Variants in CCDC141 observed in about 807,000 individuals in gnomAD.
CCDC141 encodes the protein coiled-coil domain containing 141, also known as coiled-coil domain-containing protein 141.
CCDC141 carries 168 observed loss-of-function variants against 181.0 expected under a neutral mutation model. That is an observed-to-expected ratio of 0.93 (90% CI 0.82 to 1.05). The LOEUF is 1.05. Among genes scored for constraint, CCDC141 ranks in the 50% least tolerant of loss-of-function variants. CCDC141 has a pLI of 0.00. For missense variants in CCDC141, 1,902 were observed against 1,788.5 expected, an observed-to-expected ratio of 1.06 and a Z score of -1.14; for synonymous variants, 666 against 642.3, an observed-to-expected ratio of 1.04 and a Z score of -0.56.
chr2:178,843,901 G>C (rs1684828739), intron 22 of CCDC141, among the ~76,000 whole-genome samples: 1 of 152,130 alleles, frequency 6.6e-6, no homozygotes, highest in African/African-American at 2.4e-5. Context: ...ATTGCACCAG[G>C]ACATAACATG....
intron 2 of CCDC141, among the ~76,000 whole-genome samples, chr2:178,995,398 G>A (rs112442741): frequency 2.9e-4 from 44 of 152,172 alleles, no homozygotes; most frequent in Non-Finnish European, 5.1e-4. Flanking sequence ...AGAACAGCAC[G>A]GGAAAGACCT....
chr2:178,941,436 C>A (rs1384318416), intron 6 of CCDC141, among the ~76,000 whole-genome samples: 3 of 152,088 alleles, frequency 2.0e-5, no homozygotes, highest in Admixed American at 1.3e-4. Context: ...ATCTTTAGAA[C>A]CTTTTTGTAT....
chr2:178,923,421 A>T (rs1688791478), intron 6 of CCDC141, among the ~76,000 whole-genome samples: 1 of 152,166 alleles, frequency 6.6e-6, no homozygotes, highest in Admixed American at 6.5e-5. Flanking sequence ...TTTATTTTTA[A>T]GATGAAACTT....
At chr2:178,838,527 A>G (rs1422284983) in intron 22 of CCDC141, among the ~76,000 whole-genome samples, 1 of 152,190 alleles carries the variant, frequency 6.6e-6, no homozygotes, top group Non-Finnish European at 1.5e-5. Flanking sequence ...ATTTTCTTGA[A>G]GTCCCTTAGT....
At chr2:178,876,629 G>A (rs965245337) in intron 12 of CCDC141, 1 of 152,116 alleles carries the variant, frequency 6.6e-6, no homozygotes, top group African/African-American at 2.4e-5. Context: ...TTAAAAACTG[G>A]TTTAATCAAT....
At chr2:178,857,027 T>A (rs1460672433) in intron 17 of CCDC141, among the ~76,000 whole-genome samples, 1 of 152,250 alleles carries the variant, frequency 6.6e-6, no homozygotes, top group Non-Finnish European at 1.5e-5. Flanking sequence ...TATAGAATAT[T>A]CCTTTGTCCC....
intron 22 of CCDC141, among the ~76,000 whole-genome samples, chr2:178,838,815 C>G (rs1317951064): frequency 6.6e-6 from 1 of 152,238 alleles, no homozygotes; most frequent in African/African-American, 2.4e-5. Flanking sequence ...GTACTTCTTT[C>G]TCTGCTTCCA....
intron 2 of CCDC141, among the ~76,000 whole-genome samples, chr2:178,981,653 T>TATATATATATATATATATATATAC: frequency 2.2e-5 from 3 of 137,432 alleles, no homozygotes; most frequent in South Asian, 4.7e-4. Context: ...TATATATATA[T>TATATATATATATATATATATATAC]ATATACATAC....
intron 2 of CCDC141, among the ~76,000 whole-genome samples, chr2:179,027,969 G>A (rs1324337457): frequency 6.6e-6 from 1 of 152,126 alleles, no homozygotes; most frequent in African/African-American, 2.4e-5. Flanking sequence ...TTATAGGTGA[G>A]AACATGCAAG....
At chr2:179,040,596 C>T (rs944862622) in intron 2 of CCDC141, among the ~76,000 whole-genome samples, 42 of 152,176 alleles carry the variant, frequency 2.8e-4, no homozygotes, top group Admixed American at 2.6e-3. Flanking sequence ...CATGTGGTCT[C>T]ATCATTCAGC....
chr2:178,911,025 C>T (rs1380696343), intron 7 of CCDC141, among the ~76,000 whole-genome samples: 1 of 152,192 alleles, frequency 6.6e-6, no homozygotes, highest in Admixed American at 6.5e-5. Context: ...CAGCTAGTCA[C>T]TATTTATAAT....
intron 2 of CCDC141, among the ~76,000 whole-genome samples, chr2:179,022,727 A>C (rs898136671): frequency 2.0e-5 from 3 of 152,098 alleles, no homozygotes; most frequent in Admixed American, 6.6e-5. Flanking sequence ...TTTGTTCTCT[A>C]TATATTGTAC....
At chr2:178,892,435 G>C (rs1361114213) in intron 8 of CCDC141, among the ~76,000 whole-genome samples, 1 of 151,950 alleles carries the variant, frequency 6.6e-6, no homozygotes, top group African/African-American at 2.4e-5. Context: ...GTCTGATTGG[G>C]CAGTAACCAG....
chr2:178,933,995 T>C (rs1689191560), intron 6 of CCDC141, among the ~76,000 whole-genome samples: 1 of 152,202 alleles, frequency 6.6e-6, no homozygotes, highest in Non-Finnish European at 1.5e-5. Context: ...TCTAGATTTC[T>C]TTTTTAACAG....
At chr2:178,975,596 C>A (rs548104842) in intron 3 of CCDC141, among the ~76,000 whole-genome samples, 2 of 152,186 alleles carry the variant, frequency 1.3e-5, no homozygotes, top group South Asian at 4.1e-4. Context: ...TATACATTTA[C>A]AAGTAAATGT....
Position 178,855,408 on chromosome 2 carries a change from A to C in CCDC141, c.2999T>G (p.Val1000Gly). The change falls in exon 19 of 24, where the codon GTT becomes GGT. Residue 1000 changes from valine (V) to glycine (G), a missense_variant. Physicochemically the swap from Val to Gly is moderately radical, Grantham distance 109. Transcript: ENST00000443758. ...LQKHVDDFDK[V>G]VTDYKKNLDL... ...CAAATTCTTCTTGTAATCTGTCACA[A>C]CTTTGTCAAAGTCATCCACATGTTT... The C allele has an allele frequency of 6.2e-7, 1 of 1,612,174 alleles. No homozygotes were observed. The highest frequency in any genetic ancestry group is 8.5e-7 in the Non-Finnish European group (1 of 1,179,348).
intron 6 of CCDC141, among the ~76,000 whole-genome samples, chr2:178,940,862 T>G (rs949066311): frequency 5.9e-5 from 9 of 152,218 alleles, no homozygotes; most frequent in Admixed American, 4.6e-4. Context: ...AGGTGTTTTC[T>G]ACACTCATCT....
chr2:178,841,722 A>G (rs1684730206), intron 22 of CCDC141, among the ~76,000 whole-genome samples: 1 of 152,124 alleles, frequency 6.6e-6, no homozygotes, highest in Non-Finnish European at 1.5e-5. Flanking sequence ...TCGGCTCACT[A>G]CAACCTGCAT....
intron 9 of CCDC141, 67 bp downstream of exon 9, chr2:178,888,460 C>T (rs1686990465): frequency 4.8e-6 from 7 of 1,448,254 alleles, no homozygotes; most frequent in Non-Finnish European, 6.6e-6. Context: ...GCCATGCCCA[C>T]ATACTGCCCT....
Sources: allele counts gnomAD v4.1 joint callset (sites outside exome capture counted in the v4.1 genomes callset), GRCh38; gene constraint gnomAD v4.1.1; transcripts MANE v1.5; gene names NCBI Gene and HGNC (gene_info 2026-07-23, HGNC 2026-07-21).